Variants in P3H2 observed in about 807,000 individuals in gnomAD.
P3H2 encodes the protein prolyl 3-hydroxylase 2, also known as leprecan-like 1.
In P3H2, 80 loss-of-function variants were observed where a neutral mutation model predicts 87.0. That is an observed-to-expected ratio of 0.92 (90% CI 0.77 to 1.11). The LOEUF is 1.11. P3H2 is among the 50% of genes least tolerant of loss of function. P3H2 has a pLI of 0.00. For missense variants in P3H2, 1,001 were observed against 923.9 expected, an observed-to-expected ratio of 1.08 and a Z score of -1.08; for synonymous variants, 367 against 359.3, an observed-to-expected ratio of 1.02 and a Z score of -0.24.
At chr3:190,073,757 G>C (rs1311959801) in intron 1 of P3H2, among the ~76,000 whole-genome samples, 1 of 152,198 alleles carries the variant, frequency 6.6e-6, no homozygotes, top group African/African-American at 2.4e-5. Context: ...TAAAAGAAGA[G>C]ATGCTTGCAA....
Position 190,120,733 on chromosome 3 carries a change from C to G in P3H2, c.-2G>C. 6.6e-7 allele frequency: 1 copy of G among 1,520,184 alleles called. No homozygotes were observed. Among genetic ancestry groups the G allele is most frequent in the Non-Finnish European group, 8.8e-7 (1 of 1,141,234 alleles). The allele number at this position is 1,520,184 out of a possible 1,614,324, so 94.2% of individuals were successfully genotyped here. ...CGGCGCCCAGATGCGCTCCCGCATC[C>G]TCCGCCTCAGAGAGGCGCGGGACGG... is the stretch of plus-strand genomic sequence containing the variant. On this transcript the variant is annotated 5_prime_UTR_variant, in exon 1 of 15. Coordinates refer to ENST00000319332, the MANE Select transcript of P3H2 (RefSeq NM_018192.4).
chr3:189,972,680 G>T (rs1395742352), intron 11 of P3H2, among the ~76,000 whole-genome samples, 194 bp downstream of exon 11: 1 of 152,104 alleles, frequency 6.6e-6, no homozygotes, highest in Admixed American at 6.6e-5. Flanking sequence ...CAGAACGAGG[G>T]TTTTCTGGAA....
chr3:190,079,167 C>T (rs778573888), intron 1 of P3H2, among the ~76,000 whole-genome samples: 19 of 151,836 alleles, frequency 1.3e-4, no homozygotes, highest in South Asian at 6.2e-4. Context: ...ATGGTGAAAC[C>T]CTGTCTCTAC....
intron 1 of P3H2, among the ~76,000 whole-genome samples, chr3:190,090,809 C>T (rs978161160): frequency 4.6e-5 from 7 of 152,148 alleles, no homozygotes; most frequent in African/African-American, 1.7e-4. Context: ...ACACATTATT[C>T]CTTTTTCTTG....
chr3:190,034,834 T>TTTTCA (rs1725366572), intron 1 of P3H2, among the ~76,000 whole-genome samples: 1 of 81,960 alleles, frequency 1.2e-5, no homozygotes, highest in East Asian at 4.2e-4. Flanking sequence ...CCAAATCGCT[T>TTTTCA]TTTCTTTTCT....
chr3:190,080,681 T>A (rs1286894486), intron 1 of P3H2, among the ~76,000 whole-genome samples: 1 of 152,058 alleles, frequency 6.6e-6, no homozygotes, highest in Non-Finnish European at 1.5e-5. Flanking sequence ...GGATTACAGG[T>A]GTGAGCCACC....
intron 1 of P3H2, among the ~76,000 whole-genome samples, chr3:190,098,493 G>C (rs1711506894): frequency 6.6e-6 from 1 of 152,154 alleles, no homozygotes; most frequent in African/African-American, 2.4e-5. Context: ...AAATGATAAT[G>C]ATAGCACCAA....
chr3:190,021,673 C>T (rs558856558), intron 1 of P3H2, among the ~76,000 whole-genome samples: 1 of 134,650 alleles, frequency 7.4e-6, no homozygotes, highest in African/African-American at 2.6e-5. Context: ...TGTACATCTG[C>T]CTACCCACTC....
chr3:189,958,522 T>C (rs777650788), intron 14 of P3H2, among the ~76,000 whole-genome samples: 4 of 151,758 alleles, frequency 2.6e-5, no homozygotes, highest in Non-Finnish European at 5.9e-5. Flanking sequence ...TTGGTCTGAT[T>C]GACATTTTTA....
chr3:190,096,550 C>A (rs3106807), intron 1 of P3H2, among the ~76,000 whole-genome samples: 1 of 152,144 alleles, frequency 6.6e-6, no homozygotes, highest in African/African-American at 2.4e-5. Flanking sequence ...GTAGTTCATA[C>A]ATAGCAGTGT....
chr3:189,993,576 A>G (rs1004518893), intron 3 of P3H2, among the ~76,000 whole-genome samples: 2 of 152,102 alleles, frequency 1.3e-5, no homozygotes, highest in African/African-American at 4.8e-5. Flanking sequence ...CTTATTAAGT[A>G]ATAAAACATT....
rs554325984 is a variant in P3H2 at position 190,048,170 on chromosome 3, G to C, written c.481-52728C>G. ...TTAAAAAAATTACAATGATTCAAGA[G>C]ATTTTATTTTAAAAATGGCTTCTGC... On this transcript the variant is annotated intron_variant, in intron 1 of 14. Transcript: ENST00000319332. Among the ~76,000 whole-genome samples, 262 of 152,160 alleles carry C rather than the reference G, an allele frequency of 1.7e-3. 2 individuals are homozygous for C. The highest frequency in any genetic ancestry group is 6.0e-3 in the African/African-American group (248 of 41,528).
intron 14 of P3H2, among the ~76,000 whole-genome samples, chr3:189,961,964 TTCAC>T (rs1425397332): frequency 6.6e-6 from 1 of 152,154 alleles, no homozygotes. Flanking sequence ...TAATTTTATC[TTCAC>T]TGTCTACCCA....
chr3:189,991,706 GGA>G (rs1013290521), intron 3 of P3H2, among the ~76,000 whole-genome samples: 3 of 152,198 alleles, frequency 2.0e-5, no homozygotes, highest in African/African-American at 7.2e-5. Context: ...AGAGTGAGAG[GGA>G]GAGAGAGAAT....
chr3:190,112,789 A>T (rs1235496698), intron 1 of P3H2, among the ~76,000 whole-genome samples: 2 of 150,548 alleles, frequency 1.3e-5, no homozygotes, highest in African/African-American at 2.4e-5. Context: ...CTGACACCAA[A>T]TTTTTTTTTT....
chr3:189,959,860 A>ATGTGTG lies in P3H2; in HGVS notation c.2035-1862_2035-1857dup, dbSNP rs75204350. Among the ~76,000 whole-genome samples the ATGTGTG allele has an allele frequency of 7.4e-3, 995 of 134,708 alleles. 7 individuals are homozygous for ATGTGTG. Among genetic ancestry groups the ATGTGTG allele is most frequent in the South Asian group, 0.015 (59 of 4,050 alleles). 88.4% of individuals were successfully genotyped at this position (134,708 alleles called of 152,430 possible). ...GTAACTCTCCAGGACTGGAGGAGAT[A>ATGTGTG]TGTGTGTGTGTGTGTGTGTGTGTGT... On this transcript the variant is annotated intron_variant, in intron 14 of 14. Transcript: ENST00000319332.
chr3:189,988,425 AATAC>A (rs940807063), intron 4 of P3H2, among the ~76,000 whole-genome samples: 6 of 151,826 alleles, frequency 4.0e-5, no homozygotes, highest in African/African-American at 1.5e-4. Context: ...GTGTATAATA[AATAC>A]ATACACACAC....
intron 1 of P3H2, among the ~76,000 whole-genome samples, chr3:190,030,350 T>G (rs948285171): frequency 6.6e-6 from 1 of 152,184 alleles, no homozygotes; most frequent in African/African-American, 2.4e-5. Flanking sequence ...GGCTGGCACA[T>G]GGCTTGAGCC....
chr3:190,084,585 A>AT (rs1260106932), intron 1 of P3H2, among the ~76,000 whole-genome samples: 5 of 152,136 alleles, frequency 3.3e-5, no homozygotes. Flanking sequence ...TGAATCTGAA[A>AT]TTGTTACTCT....
Sources: allele counts gnomAD v4.1 joint callset (sites outside exome capture counted in the v4.1 genomes callset), GRCh38; gene constraint gnomAD v4.1.1; transcripts MANE v1.5; gene names NCBI Gene and HGNC (gene_info 2026-07-23, HGNC 2026-07-21).